The following CAMK4 variants were observed in gnomAD, a reference collection of about 807,000 sequenced individuals.
The protein encoded by CAMK4 is calcium/calmodulin dependent protein kinase IV.
Under a neutral mutation model 44.9 loss-of-function variants are expected in CAMK4, and 22 were observed. The ratio of observed to expected loss-of-function variants is 0.49; its 90% CI spans 0.35 to 0.70. The LOEUF is 0.70. Among genes scored for constraint, CAMK4 ranks in the 30% least tolerant of loss-of-function variants. The pLI is 0.01. For missense variants in CAMK4, 498 were observed against 586.8 expected, an observed-to-expected ratio of 0.85 and a Z score of 1.56; for synonymous variants, 218 against 215.4, an observed-to-expected ratio of 1.01 and a Z score of -0.11.
At chr5:111,452,780 A>T (rs1389030022) in intron 7 of CAMK4, among the ~76,000 whole-genome samples, 2 of 152,196 alleles carry the variant, frequency 1.3e-5, no homozygotes, top group Non-Finnish European at 2.9e-5. Context: ...ATGAGGAAAC[A>T]GAAATAAGAG....
chr5:111,372,982 C>CT (rs1193591803), intron 2 of CAMK4, among the ~76,000 whole-genome samples: 4 of 152,146 alleles, frequency 2.6e-5, no homozygotes, highest in African/African-American at 9.7e-5. Flanking sequence ...ATCCTCTCCT[C>CT]TAAGAATTTA....
chr5:111,357,522 T>A (rs981065072), intron 2 of CAMK4, among the ~76,000 whole-genome samples: 2 of 146,454 alleles, frequency 1.4e-5, no homozygotes, highest in East Asian at 4.2e-4. Flanking sequence ...AAAAGTTGAA[T>A]GGTGGCCAGA....
At chr5:111,418,011 G>GGA (rs1316710492) in intron 5 of CAMK4, among the ~76,000 whole-genome samples, 1 of 151,278 alleles carries the variant, frequency 6.6e-6, no homozygotes, top group Non-Finnish European at 1.5e-5. Context: ...TTTTTTTTTA[G>GGA]GAGAATATGA....
intron 7 of CAMK4, among the ~76,000 whole-genome samples, chr5:111,472,116 A>G (rs2112485709): frequency 6.6e-6 from 1 of 152,050 alleles, no homozygotes; most frequent in African/African-American, 2.4e-5. Flanking sequence ...GCTGGACTCA[A>G]ACTCCTGACC....
chr5:111,355,190 G>T (rs1750285615), intron 2 of CAMK4, among the ~76,000 whole-genome samples: 1 of 152,084 alleles, frequency 6.6e-6, no homozygotes, highest in Non-Finnish European at 1.5e-5. Context: ...CGTGTCAAGT[G>T]AAGTGAAACT....
At chr5:111,340,780 A>T (rs1167870983) in intron 1 of CAMK4, among the ~76,000 whole-genome samples, 1 of 151,088 alleles carries the variant, frequency 6.6e-6, no homozygotes, top group African/African-American at 2.4e-5. Context: ...GATTGGTATT[A>T]GTTTTTTTTA....
At chr5:111,466,807 T>A (rs892636105) in intron 7 of CAMK4, among the ~76,000 whole-genome samples, 1 of 150,952 alleles carries the variant, frequency 6.6e-6, no homozygotes, top group Non-Finnish European at 1.5e-5. Context: ...CCCATCAAAA[T>A]ACCACCATCA....
intron 8 of CAMK4, among the ~76,000 whole-genome samples, chr5:111,477,460 TG>T (rs1580806216): frequency 6.6e-6 from 1 of 152,204 alleles, no homozygotes; most frequent in East Asian, 1.9e-4. Flanking sequence ...TTTTTTCAAA[TG>T]GAACACATGC....
intron 5 of CAMK4, among the ~76,000 whole-genome samples, chr5:111,434,360 G>T (rs1753572547): frequency 6.6e-6 from 1 of 152,006 alleles, no homozygotes; most frequent in African/African-American, 2.4e-5. Context: ...CAATGTAAAT[G>T]GGAAGAACAA....
chr5:111,233,841 A>AATAGAGTT (rs1417896895), intron 1 of CAMK4, among the ~76,000 whole-genome samples: 2 of 152,196 alleles, frequency 1.3e-5, no homozygotes, highest in African/African-American at 2.4e-5. Flanking sequence ...TTATATATTG[A>AATAGAGTT]ATAGAGTTAA....
intron 1 of CAMK4, among the ~76,000 whole-genome samples, chr5:111,233,710 A>G (rs77485306): frequency 0.016 from 2,374 of 152,310 alleles, 59 homozygotes; most frequent in African/African-American, 0.052. Flanking sequence ...ATTTGCTAGT[A>G]TTAGCTGTGT....
At chr5:111,439,017 G>A (rs1382647668) in intron 5 of CAMK4, among the ~76,000 whole-genome samples, 1 of 152,140 alleles carries the variant, frequency 6.6e-6, no homozygotes, top group Non-Finnish European at 1.5e-5. Flanking sequence ...AAAGGGTCAT[G>A]CTCTCTCCAC....
chr5:111,423,473 A>G (rs1753105134), intron 5 of CAMK4, among the ~76,000 whole-genome samples: 2 of 152,220 alleles, frequency 1.3e-5, no homozygotes. Context: ...TGAACGTGCT[A>G]TAGGTTCTGA....
Position 111,393,842 on chromosome 5 carries a change from G to C in CAMK4, c.387-868G>C, listed in dbSNP as rs191655799. On this transcript the variant is annotated intron_variant, in intron 4 of 10. Transcript: ENST00000282356. ...TCACAGAAGTTTGTGTAGCAAACTTGCCCATGTACCTCTGAACTTAAAAGT... is the reference window on the plus strand; with the variant it reads ...TCACAGAAGTTTGTGTAGCAAACTTCCCCATGTACCTCTGAACTTAAAAGT... Among the ~76,000 whole-genome samples the C allele has an allele frequency of 3.4e-3, 519 of 151,022 alleles. 2 individuals carry two copies. Among genetic ancestry groups the C allele is most frequent in the African/African-American group, 0.012 (502 of 41,144 alleles).
At chr5:111,391,101 C>T (rs943570778) in intron 4 of CAMK4, among the ~76,000 whole-genome samples, 5 of 152,122 alleles carry the variant, frequency 3.3e-5, no homozygotes, top group Non-Finnish European at 7.4e-5. Context: ...TTGTCAAGGC[C>T]TTGTGAACTC....
At chr5:111,264,922 G>A (rs758002690) in intron 1 of CAMK4, among the ~76,000 whole-genome samples, 1 of 151,980 alleles carries the variant, frequency 6.6e-6, no homozygotes, top group African/African-American at 2.4e-5. Context: ...TCCATGACTG[G>A]CTTTCTTGCC....
At chr5:111,481,453 T>G (rs1392484201) in intron 9 of CAMK4, among the ~76,000 whole-genome samples, 1 of 152,152 alleles carries the variant, frequency 6.6e-6, no homozygotes, top group Non-Finnish European at 1.5e-5. Flanking sequence ...CCACTACAAA[T>G]CTAGCCCAAA....
chr5:111,227,556 C>T (rs62376850), intron 1 of CAMK4, among the ~76,000 whole-genome samples: 39,537 of 152,060 alleles, frequency 0.26, 5,358 homozygotes, highest in African/African-American at 0.32. Flanking sequence ...ACGGTGACCA[C>T]TGGGGCGATA....
chr5:111,279,422 A>G (rs1279407156), intron 1 of CAMK4, among the ~76,000 whole-genome samples: 1 of 152,162 alleles, frequency 6.6e-6, no homozygotes, highest in East Asian at 1.9e-4. Flanking sequence ...CATCAAATCC[A>G]TGTATGAGAA....
Sources: allele counts gnomAD v4.1 joint callset (sites outside exome capture counted in the v4.1 genomes callset), GRCh38; gene constraint gnomAD v4.1.1; transcripts MANE v1.5; gene names NCBI Gene and HGNC (gene_info 2026-07-23, HGNC 2026-07-21).